The following PCDHGA8 variants were observed in gnomAD, a reference collection of about 807,000 sequenced individuals.
The protein encoded by PCDHGA8 is protocadherin gamma-A8.
Under a neutral mutation model 59.2 loss-of-function variants are expected in PCDHGA8, and 45 were observed. The observed-to-expected ratio is 0.76, with a 90% confidence interval of 0.60 to 0.98. The LOEUF is 0.98. Among genes scored for constraint, PCDHGA8 ranks in the 50% least tolerant of loss-of-function variants. The probability of loss-of-function intolerance (pLI) is 0.00; values close to 1 mark genes in which losing one functional copy is unlikely to be tolerated. For missense variants in PCDHGA8, 1,257 were observed against 1,196.2 expected, an observed-to-expected ratio of 1.05 and a Z score of -0.75; for synonymous variants, 531 against 519.0, an observed-to-expected ratio of 1.02 and a Z score of -0.32.
At chr5:141,458,774 A>G (rs2154566349) in intron 1 of PCDHGA8, among the ~76,000 whole-genome samples, 1 of 151,812 alleles carries the variant, frequency 6.6e-6, no homozygotes, top group Admixed American at 6.6e-5. Flanking sequence ...GCTGTGTCAC[A>G]CAGGCTGGAG....
chr5:141,464,725 A>G (rs538200804), intron 1 of PCDHGA8, among the ~76,000 whole-genome samples: 27 of 152,178 alleles, frequency 1.8e-4, no homozygotes, highest in African/African-American at 5.1e-4. Flanking sequence ...TCATATGTTT[A>G]AAAGCCAGTT....
chr5:141,422,211 CTT>C (rs1339862278), intron 1 of PCDHGA8: 1 of 1,563,166 alleles, frequency 6.4e-7, no homozygotes, highest in African/African-American at 1.4e-5. Context: ...GTGGAGGTCT[CTT>C]TACCACCACG....
At chr5:141,406,072 CTT>C (rs530474569) in intron 1 of PCDHGA8, among the ~76,000 whole-genome samples, 69 of 141,430 alleles carry the variant, frequency 4.9e-4, no homozygotes, top group African/African-American at 9.6e-4. Flanking sequence ...ATTCTTACTC[CTT>C]TTTTTTTTTT....
At chr5:141,420,010 GTC>G in intron 1 of PCDHGA8, 1 of 1,614,088 alleles carries the variant, frequency 6.2e-7, no homozygotes, top group South Asian at 1.1e-5. Context: ...GCCTGCGACA[GTC>G]TTTCAGCCCT....
rs1346374248 is a variant in PCDHGA8, at chr5:141,394,809, G to C, written c.1996G>C (p.Asp666His). The C allele has an allele frequency of 6.2e-7, 1 of 1,613,892 alleles. No homozygotes were observed. Among genetic ancestry groups the C allele is most frequent in the Non-Finnish European group, 8.5e-7 (1 of 1,180,018 alleles). Residue 666 changes from aspartate (D) to histidine (H), a missense_variant, in exon 1 of 4, where the codon GAC (aspartate) becomes CAC (histidine). Transcript: ENST00000398604. ...TGTCACGCTCACCGTAGCCGTGGCTGACAGCATCCCCGAAGTCCTGACCGA... is the reference window on the plus strand; with the variant it reads ...TGTCACGCTCACCGTAGCCGTGGCTCACAGCATCCCCGAAGTCCTGACCGA... ...ATVTLTVAVA[D>H]SIPEVLTELG...
At chr5:141,497,203 G>C (rs750138875) in intron 2 of PCDHGA8, among the ~76,000 whole-genome samples, 3 of 91,718 alleles carry the variant, frequency 3.3e-5, no homozygotes, top group African/African-American at 2.8e-4. Flanking sequence ...AACAATGTGA[G>C]TGTAATGGGG....
chr5:141,420,789 C>G (rs1403213574), intron 1 of PCDHGA8, among the ~76,000 whole-genome samples: 2 of 152,198 alleles, frequency 1.3e-5, no homozygotes, highest in Non-Finnish European at 2.9e-5. Flanking sequence ...ATTTTGAAAA[C>G]TTTTTAAAAA....
chr5:141,502,784 G>C (rs185608958), intron 2 of PCDHGA8, among the ~76,000 whole-genome samples: 1 of 151,804 alleles, frequency 6.6e-6, no homozygotes, highest in Non-Finnish European at 1.5e-5. Flanking sequence ...AAATTACCTG[G>C]ATGATTTCTT....
chr5:141,440,671 T>C (rs2098194169), intron 1 of PCDHGA8: 1 of 152,210 alleles, frequency 6.6e-6, no homozygotes, highest in African/African-American at 2.4e-5. Context: ...CAACTCTATA[T>C]TTCTCTTTGA....
Position 141,485,626 on chromosome 5 carries a change from T to A in PCDHGA8, c.2425-9181T>A, listed in dbSNP as rs2099616815. 6.2e-7 allele frequency: 1 copy of A among 1,611,740 alleles called. No individual in the cohort carries two copies. On this transcript the variant is annotated intron_variant, in intron 1 of 3. Coordinates refer to ENST00000398604, the MANE Select transcript of PCDHGA8 (RefSeq NM_032088.2). This position sits in a 1 kb window ranked among gnomAD's most constrained non-coding sequence, Gnocchi z 5.7. Reference sequence around the variant, plus strand: ...GGGAGGCAGCTCCTCCAGGACAGCGTTTCCCGTTGGAAAAGGCTCAGGATG... The same window carrying A: ...GGGAGGCAGCTCCTCCAGGACAGCGATTCCCGTTGGAAAAGGCTCAGGATG...
At chr5:141,415,036 T>C (rs772612744) in intron 1 of PCDHGA8, 1 of 1,613,526 alleles carries the variant, frequency 6.2e-7, no homozygotes, top group Admixed American at 1.7e-5. Context: ...GCCGGGACTC[T>C]TCGCGGTGGG....
intron 1 of PCDHGA8, chr5:141,400,237 A>C (rs1375797222): frequency 3.7e-6 from 6 of 1,613,750 alleles, no homozygotes; most frequent in African/African-American, 1.3e-5. Flanking sequence ...CCTGGCCGTG[A>C]TTCTGGCCGT....
intron 1 of PCDHGA8, among the ~76,000 whole-genome samples, chr5:141,462,223 G>A (rs563764515): frequency 2.0e-5 from 3 of 152,144 alleles, no homozygotes; most frequent in Admixed American, 2.0e-4. Flanking sequence ...GCCTCCCAAA[G>A]TGCAGGGATT....
At chr5:141,467,285 T>G (rs6870144) in intron 1 of PCDHGA8, among the ~76,000 whole-genome samples, 42,564 of 152,010 alleles carry the variant, frequency 0.28, 6,785 homozygotes, top group African/African-American at 0.45. Context: ...ACTCTTGACC[T>G]CAAGTGATCC....
At position 141,422,330 on chromosome 5, in the gene PCDHGA8, C is replaced by T. The variant is rs200342957; in HGVS notation, c.2424+27093C>T. 1,454 of 1,548,164 alleles carry T rather than the reference C, an allele frequency of 9.4e-4. 3 individuals carry two copies. The highest frequency in any genetic ancestry group is 7.9e-4 in the Non-Finnish European group (910 of 1,153,526). On this transcript the variant is annotated intron_variant, in intron 1 of 3. Transcript: ENST00000398604. The stretch of plus-strand genomic sequence containing the variant: ...AACTCTCCTCCAGGTACAGTGATTG[C>T]TCTTCTAAATGTGCAAGATCAAGAT...
chr5:141,404,411 G>A, intron 1 of PCDHGA8: 1 of 1,613,854 alleles, frequency 6.2e-7, no homozygotes, highest in Non-Finnish European at 8.5e-7. Flanking sequence ...GAATTCTAGA[G>A]TTATTTACTC....
Position 141,393,352 on chromosome 5 carries a change from T to G in PCDHGA8, c.539T>G (p.Leu180Arg). The G allele has an allele frequency of 1.2e-6, 2 of 1,613,956 alleles. No individual in the cohort carries two copies. The highest frequency in any genetic ancestry group is 2.7e-5 in the African/African-American group (2 of 75,028). ...YQLSPNHHFS[L>R]DVQTGDNGAI... is the part of the protein sequence containing the mutation. ...CTCAGCCCCAATCACCACTTCTCCC[T>G]GGACGTGCAGACTGGAGACAATGGA... The change falls in exon 1 of 4, where the codon CTG (leucine) becomes CGG (arginine). Residue 180 changes from leucine to arginine, a missense_variant. Coordinates refer to ENST00000398604, the MANE Select transcript of PCDHGA8 (RefSeq NM_032088.2).
intron 1 of PCDHGA8, among the ~76,000 whole-genome samples, chr5:141,443,466 A>G (rs1402303157): frequency 6.6e-6 from 1 of 152,184 alleles, no homozygotes; most frequent in East Asian, 1.9e-4. Flanking sequence ...AGTCTGGGTG[A>G]CAGAATTAGA....
intron 1 of PCDHGA8, chr5:141,408,303 G>T: frequency 1.2e-6 from 2 of 1,613,794 alleles, no homozygotes; most frequent in South Asian, 1.1e-5. Context: ...GAGCCGATCC[G>T]CTACTCGATT....
Sources: allele counts gnomAD v4.1 joint callset (sites outside exome capture counted in the v4.1 genomes callset), GRCh38; gene constraint gnomAD v4.1.1; non-coding constraint Gnocchi (gnomAD v3.1); transcripts MANE v1.5; gene names NCBI Gene and HGNC (gene_info 2026-07-23, HGNC 2026-07-21).